Variants in TAF6L observed in about 807,000 individuals in gnomAD.
TAF6L encodes TAF6-like RNA polymerase II p300/CBP-associated factor-associated factor 65 kDa subunit 6L.
Under a neutral mutation model 57.3 loss-of-function variants are expected in TAF6L, and 34 were observed. The ratio of observed to expected loss-of-function variants is 0.59; its 90% CI spans 0.45 to 0.79. The LOEUF (loss-of-function observed/expected upper bound fraction) is 0.79, where lower values mean the gene tolerates loss of function less well. TAF6L is among the 30% of genes least tolerant of loss of function. The pLI, the probability that TAF6L is intolerant of heterozygous loss-of-function variation, is 0.00. For missense variants in TAF6L, 782 were observed against 853.2 expected (o/e 0.92, Z 1.04); for synonymous variants, 417 against 376.3 (o/e 1.11, Z -1.25).
intron 7 of TAF6L, 58 bp downstream of exon 7, chr11:62,782,026 G>C: frequency 6.2e-7 from 1 of 1,603,316 alleles, no homozygotes; most frequent in Non-Finnish European, 8.5e-7. Context: ...GACCCAGCAG[G>C]TGTAGGGCTC....
In TAF6L at chr11:62,777,998, A is replaced by T; in HGVS notation, c.255A>T (p.Ser85=). ...SSVEAVCGYG[S]QEALPMRPAR... is the part of the protein sequence containing the mutation. The stretch of plus-strand genomic sequence containing the variant: ...CTCAGGCTGTGTGTGGTTACGGATC[A>T]CAGGAGGCACTGCCCATGCGCCCCG... The change falls in exon 4 of 11, where the codon TCA becomes TCT. Residue 85 remains serine, a synonymous_variant. Transcript: ENST00000294168. The T allele has an allele frequency of 1.2e-6, 2 of 1,614,154 alleles. No homozygotes were observed. Among genetic ancestry groups the T allele is most frequent in the Non-Finnish European group, 1.7e-6 (2 of 1,180,020 alleles).
chr11:62,785,700 A>G (rs2084267974), intron 9 of TAF6L, among the ~76,000 whole-genome samples: 1 of 151,380 alleles, frequency 6.6e-6, no homozygotes, highest in South Asian at 2.1e-4. Flanking sequence ...GCGCCCAGCT[A>G]ATTTTTGTAT....
intron 1 of TAF6L, among the ~76,000 whole-genome samples, chr11:62,773,272 G>A (rs924249530): frequency 4.7e-5 from 7 of 147,784 alleles, no homozygotes; most frequent in African/African-American, 1.3e-4. Flanking sequence ...CTCAGCCTCC[G>A]GAGTAGCTGG....
intron 3 of TAF6L, 63 bp from the exon 4 acceptor site, chr11:62,777,915 C>T: frequency 1.9e-6 from 3 of 1,582,090 alleles, no homozygotes; most frequent in Non-Finnish European, 2.6e-6. Flanking sequence ...GAGCCTCATC[C>T]TGGATCCTGA....
At position 62,782,827 on chromosome 11, in the gene TAF6L, T is replaced by G. The variant is rs1590936970; in HGVS notation, c.960+2T>G. On this transcript the variant is annotated splice_donor_variant, in intron 9 of 10. Transcript: ENST00000294168. LOFTEE classifies it high-confidence loss of function. ...GGGCTGCATGCTCTTGGCTGGAAGG[T>G]GAGCACCCTGGCCTTTCTCACACAG... 6.2e-7 allele frequency: 1 copy of G among 1,613,970 alleles called. No homozygotes were observed. Among genetic ancestry groups the G allele is most frequent in the Non-Finnish European group, 8.5e-7 (1 of 1,179,932 alleles).
intron 9 of TAF6L, among the ~76,000 whole-genome samples, chr11:62,783,833 G>T (rs934016633): frequency 6.6e-6 from 1 of 150,778 alleles, no homozygotes. Context: ...ACGCCCAGCC[G>T]ATTATGTGGT....
intron 1 of TAF6L, among the ~76,000 whole-genome samples, chr11:62,775,141 C>T (rs931286684): frequency 6.6e-6 from 1 of 151,800 alleles, no homozygotes; most frequent in Non-Finnish European, 1.5e-5. Context: ...GGGGAGGCCT[C>T]AGGAAACTTA....
At chr11:62,772,558 G>T (rs1487600578) in intron 1 of TAF6L, among the ~76,000 whole-genome samples, 1 of 146,666 alleles carries the variant, frequency 6.8e-6, no homozygotes, top group Non-Finnish European at 1.5e-5. Flanking sequence ...GCCAGGTGCG[G>T]TGGCTCTCAC....
At position 62,781,938 on chromosome 11, in the gene TAF6L, C is replaced by T. The variant is rs760114599; in HGVS notation, c.576C>T (p.Leu192=). The T allele has an allele frequency of 5.3e-5, 85 of 1,613,998 alleles. No homozygotes were observed. The South Asian group carries it at 9.3e-4, about 18-fold the overall frequency. ...DLQTNSKIGA[L]LPYFVYVVSG... ...AGACGAACTCCAAGATTGGGGCACTCCTGCCTTACTTTGTTTATGTGGTCA... is the reference window on the plus strand; with the variant it reads ...AGACGAACTCCAAGATTGGGGCACTTCTGCCTTACTTTGTTTATGTGGTCA... Residue 192 remains leucine (L), a synonymous_variant, in exon 7 of 11, where the codon CTC becomes CTT. Coordinates refer to ENST00000294168, the MANE Select transcript of TAF6L (RefSeq NM_006473.4).
chr11:62,774,099 C>T (rs1478648000), intron 1 of TAF6L, among the ~76,000 whole-genome samples: 3 of 151,468 alleles, frequency 2.0e-5, no homozygotes, highest in Admixed American at 2.0e-4. Flanking sequence ...TTTTTTGAGA[C>T]GGAGTCTTGC....
intron 1 of TAF6L, among the ~76,000 whole-genome samples, chr11:62,773,293 G>A (rs1217859451): frequency 6.7e-6 from 1 of 149,326 alleles, no homozygotes; most frequent in East Asian, 2.0e-4. Flanking sequence ...GACTACAGGC[G>A]CGGACCACCA....
At chr11:62,774,177 C>T (rs960744458) in intron 1 of TAF6L, among the ~76,000 whole-genome samples, 4 of 151,716 alleles carry the variant, frequency 2.6e-5, no homozygotes, top group South Asian at 2.1e-4. Flanking sequence ...CCTGGGTTCA[C>T]GCCATTCTCC....
intron 1 of TAF6L, chr11:62,772,044 C>T (rs2084152081): frequency 2.2e-6 from 1 of 455,136 alleles, no homozygotes; most frequent in Non-Finnish European, 4.4e-6. Context: ...GGGTTGAGTC[C>T]TTGCTCCCCC....
In TAF6L at chr11:62,786,929, G is replaced by GC; in HGVS notation, c.1507dup (p.Arg503ProfsTer18). On this transcript the variant is annotated frameshift_variant, in exon 11 of 11. Transcript: ENST00000294168. LOFTEE classifies it high-confidence loss of function. ...ATAGTCAGCCCGCACGGCGACGAGA[G>GC]CCCCCGGGGCAGCGGCGGAGGCGGC... 1.4e-6 allele frequency: 2 copies of GC among 1,478,552 alleles called. No individual in the cohort carries two copies. Among genetic ancestry groups the GC allele is most frequent in the Admixed American group, 2.4e-5 (1 of 41,922 alleles). 91.6% of individuals were successfully genotyped at this position (1,478,552 alleles called of 1,614,324 possible). A position where few individuals can be genotyped will look rare whatever the true frequency, so the allele number is the denominator to read the frequency against.
chr11:62,786,475 T>G (rs2084276936), intron 10 of TAF6L, 42 bp from the exon 11 acceptor site: 1 of 1,581,768 alleles, frequency 6.3e-7, no homozygotes, highest in Non-Finnish European at 8.6e-7. Flanking sequence ...TGGGCCCAGG[T>G]TCCTCGAATT....
At chr11:62,784,328 G>A (rs1383218325) in intron 9 of TAF6L, among the ~76,000 whole-genome samples, 79 of 123,260 alleles carry the variant, frequency 6.4e-4, no homozygotes, top group African/African-American at 2.4e-3. Flanking sequence ...TTTTTGAGAC[G>A]GAGTCTCGCT....
intron 6 of TAF6L, chr11:62,781,678 A>AAAAAAAAT: frequency 4.3e-6 from 2 of 464,468 alleles, no homozygotes; most frequent in Non-Finnish European, 7.7e-6. Context: ...AAAAAAAAAA[A>AAAAAAAAT]GTTGGACATT....
At chr11:62,777,672 G>A (rs1469499104) in intron 3 of TAF6L, among the ~76,000 whole-genome samples, 1 of 152,186 alleles carries the variant, frequency 6.6e-6, no homozygotes, top group African/African-American at 2.4e-5. Context: ...ATGTTTAGAA[G>A]ACATTAGTGA....
chr11:62,782,207 A>G lies in TAF6L; in HGVS notation c.701A>G (p.Tyr234Cys). The change falls in exon 8 of 11, where the codon TAT (tyrosine) becomes TGT (cysteine). Residue 234 changes from tyrosine (Y) to cysteine (C), a missense_variant. Tyr to Cys is a radical substitution (Grantham distance 194). Transcript: ENST00000294168. ...AATCCGCACCTGTGCTTGGGGCCCTATGTCCGCTGTCTGGTGGGCAGTGTC... is the reference window on the plus strand; with the variant it reads ...AATCCGCACCTGTGCTTGGGGCCCTGTGTCCGCTGTCTGGTGGGCAGTGTC... The part of the protein sequence containing the change: ...FRNPHLCLGP[Y>C]VRCLVGSVLY... 2 of 1,614,076 alleles carry G rather than the reference A, an allele frequency of 1.2e-6. No homozygotes were observed. Among genetic ancestry groups the G allele is most frequent in the African/African-American group, 1.3e-5 (1 of 75,008 alleles).
Sources: gnomAD v4.1 joint callset for allele counts (sites outside exome capture counted in the v4.1 genomes callset) on GRCh38, gnomAD v4.1.1 for gene constraint, MANE v1.5 for transcripts, NCBI Gene and HGNC (gene_info 2026-07-23, HGNC 2026-07-21) for gene names.